The following CWC15 variants were observed in gnomAD, a reference collection of about 807,000 sequenced individuals.
CWC15 encodes spliceosome-associated protein CWC15 homolog.
Under a neutral mutation model 28.4 loss-of-function variants are expected in CWC15, and 12 were observed. The ratio of observed to expected loss-of-function variants is 0.42; its 90% confidence interval spans 0.27 to 0.69. The LOEUF (loss-of-function observed/expected upper bound fraction) is 0.69. CWC15 is among the 30% of genes least tolerant of loss of function. The probability of loss-of-function intolerance (pLI) is 0.23; values close to 1 mark genes in which losing one functional copy is unlikely to be tolerated. For missense variants in CWC15, 192 were observed against 271.5 expected, an observed-to-expected ratio of 0.71 and a Z score of 2.06; for synonymous variants, 92 against 88.4, an observed-to-expected ratio of 1.04 and a Z score of -0.23.
chr11:94,965,438 CT>C (rs1857626159), intron 6 of CWC15, among the ~76,000 whole-genome samples: 1 of 152,142 alleles, frequency 6.6e-6, no homozygotes, highest in East Asian at 1.9e-4. Context: ...TTTTTTACCC[CT>C]CCAAACACAC....
intron 2 of CWC15, among the ~76,000 whole-genome samples, chr11:94,971,854 A>G (rs1857726370): frequency 6.6e-6 from 1 of 152,180 alleles, no homozygotes; most frequent in Non-Finnish European, 1.5e-5. Flanking sequence ...TTATTGTTCT[A>G]TCTACATATG....
At chr11:94,973,062 G>C in intron 1 of CWC15, among the ~76,000 whole-genome samples, 1 of 150,640 alleles carries the variant, frequency 6.6e-6, no homozygotes, top group Admixed American at 6.6e-5. Flanking sequence ...GGGGGGCGAT[G>C]CTAATTCTCT....
intron 6 of CWC15, 141 bp from the exon 7 acceptor site, chr11:94,963,655 G>C: frequency 7.0e-6 from 4 of 568,796 alleles, no homozygotes; most frequent in Non-Finnish European, 1.1e-5. Context: ...ACACTCAAAA[G>C]AATAATGTCA....
At chr11:94,969,727 T>C (rs1022014781) in intron 5 of CWC15, among the ~76,000 whole-genome samples, 10 of 152,296 alleles carry the variant, frequency 6.6e-5, no homozygotes, top group Middle Eastern at 3.4e-3. Context: ...GACTAAATGT[T>C]GAACAAATGA....
intron 5 of CWC15, among the ~76,000 whole-genome samples, chr11:94,966,758 CAAT>C (rs1229041339): frequency 6.6e-6 from 1 of 151,864 alleles, no homozygotes; most frequent in Non-Finnish European, 1.5e-5. Context: ...AAGCATATAT[CAAT>C]AAGCATATTC....
At chr11:94,972,259 C>G in intron 1 of CWC15, 66 bp from the exon 2 acceptor site, 2 of 1,432,602 alleles carry the variant, frequency 1.4e-6, no homozygotes, top group Non-Finnish European at 1.9e-6. Context: ...GAGTATTAAT[C>G]AATATCCATA....
intron 4 of CWC15, 33 bp from the exon 5 acceptor site, chr11:94,970,129 G>A (rs1409438580): frequency 5.2e-6 from 6 of 1,149,562 alleles, no homozygotes; most frequent in African/African-American, 1.6e-5. Context: ...GAAGATTGGA[G>A]GGAAAATACA....
Position 94,966,331 on chromosome 11 carries a change from G to A in CWC15, c.524C>T (p.Pro175Leu), listed in dbSNP as rs782549980. 1 of 1,558,614 alleles carries A rather than the reference G, an allele frequency of 6.4e-7. No homozygotes were observed. Among genetic ancestry groups the A allele is most frequent in the South Asian group, 1.2e-5 (1 of 84,524 alleles). Residue 175 changes from proline to leucine, a missense_variant, in exon 6 of 7, where the codon CCA becomes CTA. Coordinates refer to ENST00000279839, the MANE Select transcript of CWC15 (RefSeq NM_016403.4). Reference protein sequence around the residue: ...SGNPLLNLTGPSQPQANFKVK... With the variant: ...SGNPLLNLTGLSQPQANFKVK... Reference sequence around the variant, plus strand: ...TTTGAAGTTGGCCTGAGGCTGGGATGGGCCAGTGAGATTAAGGAGAGGGTT... The same window carrying A: ...TTTGAAGTTGGCCTGAGGCTGGGATAGGCCAGTGAGATTAAGGAGAGGGTT...
chr11:94,966,224 TATACACACAC>T lies in CWC15; in HGVS notation c.560+61_560+70del, dbSNP rs1418234213. 1,799 of 734,044 alleles carry T rather than the reference TATACACACAC, an allele frequency of 2.5e-3. 3 individuals carry two copies. The highest frequency in any genetic ancestry group is 1.0e-2 in the Middle Eastern group (31 of 3,110). 45.5% of individuals were successfully genotyped at this position (734,044 alleles called of 1,614,324 possible). On this transcript the variant is annotated intron_variant, in intron 6 of 6. Transcript: ENST00000279839. ...ATGCCTGTGTGTATACACATACACA[TATACACACAC>T]ACACACACACACACACACACACACA...
Position 94,966,395 on chromosome 11 carries a change from C to T in CWC15, c.460G>A (p.Glu154Lys). The change falls in exon 6 of 7, where the codon GAA becomes AAA. Residue 154 changes from glutamate (E) to lysine (K), a missense_variant. Transcript: ENST00000279839. ...QARKEQEQKA[E>K]EERIRMENIL... ...TTTTCCATACGAATCCTCTCTTCTT[C>T]AGCTTTTTGTTCTTGTTCCTGTCAA... 2 of 1,552,012 alleles carry T rather than the reference C, an allele frequency of 1.3e-6. No individual in the cohort carries two copies. The highest frequency in any genetic ancestry group is 1.7e-6 in the Non-Finnish European group (2 of 1,146,980).
intron 5 of CWC15, among the ~76,000 whole-genome samples, chr11:94,967,867 G>A (rs191577671): frequency 7.9e-5 from 12 of 152,154 alleles, no homozygotes; most frequent in African/African-American, 2.9e-4. Flanking sequence ...ATGCTTAAAG[G>A]GAAAAGATAT....
At chr11:94,970,931 C>T in intron 4 of CWC15, 46 bp downstream of exon 4, 1 of 1,425,918 alleles carries the variant, frequency 7.0e-7, no homozygotes, top group Non-Finnish European at 9.9e-7. Flanking sequence ...TTTAGAATAG[C>T]ATGGTAAATC....
intron 5 of CWC15, among the ~76,000 whole-genome samples, 153 bp downstream of exon 5, chr11:94,969,836 T>C (rs1255211241): frequency 2.6e-5 from 4 of 152,200 alleles, no homozygotes; most frequent in Non-Finnish European, 4.4e-5. Context: ...TAGGATGTCA[T>C]AAAAATAATC....
intron 6 of CWC15, among the ~76,000 whole-genome samples, chr11:94,964,417 G>C (rs587631805): frequency 1.3e-5 from 2 of 152,298 alleles, no homozygotes; most frequent in South Asian, 4.1e-4. Flanking sequence ...GTACACAGAA[G>C]CATAACAAGC....
intron 6 of CWC15, among the ~76,000 whole-genome samples, chr11:94,964,030 G>A (rs1404504029): frequency 1.3e-5 from 2 of 151,782 alleles, no homozygotes; most frequent in African/African-American, 4.8e-5. Flanking sequence ...AATAATTAAG[G>A]CTCAGATATG....
At chr11:94,964,103 G>T (rs1857607395) in intron 6 of CWC15, among the ~76,000 whole-genome samples, 1 of 151,862 alleles carries the variant, frequency 6.6e-6, no homozygotes, top group South Asian at 2.1e-4. Context: ...AACTCTGGTT[G>T]GATTCCATAA....
intron 6 of CWC15, among the ~76,000 whole-genome samples, chr11:94,964,460 T>C (rs1233240128): frequency 6.6e-6 from 1 of 152,196 alleles, no homozygotes; most frequent in Non-Finnish European, 1.5e-5. Context: ...ATATAAGACA[T>C]GTTTCTATCT....
At chr11:94,971,640 T>TTAC (rs1157616194) in intron 2 of CWC15, among the ~76,000 whole-genome samples, 153 bp from the exon 3 acceptor site, 1 of 152,176 alleles carries the variant, frequency 6.6e-6, no homozygotes, top group African/African-American at 2.4e-5. Context: ...AATCTGAAGG[T>TTAC]TACTAACAGC....
At position 94,972,151 on chromosome 11, in the gene CWC15, G is replaced by A. The variant is rs782233810; in HGVS notation, c.35C>T (p.Ala12Val). ...TTCTCCTTTTCCCCTTCCACCTCTG[G>A]CAGGTTCAAAGGTTGGCCTGGCTGC... ...TTAARPTFEP[A>V]RGGRGKGEGD... The change falls in exon 2 of 7, where the codon GCC (alanine) becomes GTC (valine). Residue 12 changes from alanine to valine, a missense_variant. Physicochemically the swap from Ala to Val is moderately conservative, Grantham distance 64. Transcript: ENST00000279839. 9.9e-6 allele frequency: 16 copies of A among 1,613,546 alleles called. No homozygotes were observed. The highest frequency in any genetic ancestry group is 1.4e-5 in the Non-Finnish European group (16 of 1,179,776).
Sources: allele counts gnomAD v4.1 joint callset (sites outside exome capture counted in the v4.1 genomes callset), GRCh38; gene constraint gnomAD v4.1.1; transcripts MANE v1.5; gene names NCBI Gene and HGNC (gene_info 2026-07-23, HGNC 2026-07-21).